CACNB2: variants seen among roughly 807,000 people sequenced by gnomAD.
CACNB2 encodes calcium voltage-gated channel auxiliary subunit beta 2.
CACNB2 carries 42 observed loss-of-function variants against 73.3 expected under a neutral mutation model. The observed-to-expected ratio is 0.57, with a 90% CI of 0.45 to 0.74. The LOEUF (loss-of-function observed/expected upper bound fraction) is 0.74, where lower values mean the gene tolerates loss of function less well. Among genes scored for constraint, CACNB2 ranks in the 30% least tolerant of loss-of-function variants. The probability of loss-of-function intolerance (pLI) is 0.00; values close to 1 mark genes in which losing one functional copy is unlikely to be tolerated. For synonymous variants in CACNB2, 348 were observed against 310.3 expected (o/e 1.12, Z -1.28); for missense variants, 940 against 853.0 (o/e 1.10, Z -1.27).
chr10:18,448,257 G>A (rs1003392365), intron 3 of CACNB2, among the ~76,000 whole-genome samples: 7 of 152,040 alleles, frequency 4.6e-5, no homozygotes, highest in African/African-American at 1.7e-4. Context: ...GCCAAGGTGG[G>A]CAGATCACCT....
intron 3 of CACNB2, among the ~76,000 whole-genome samples, chr10:18,488,391 C>T (rs545255433): frequency 8.1e-4 from 114 of 140,040 alleles, no homozygotes; most frequent in African/African-American, 2.7e-3. Flanking sequence ...AGGAGAATGA[C>T]GTGAACCTGG....
At chr10:18,196,293 C>CTT (rs374846564) in intron 2 of CACNB2, among the ~76,000 whole-genome samples, 88,923 of 136,734 alleles carry the variant, frequency 0.65, 31,124 homozygotes, top group Non-Finnish European at 0.79. Context: ...ACCAACAAAA[C>CTT]TTTTTTTTTT....
At chr10:18,479,249 G>A (rs4129877) in intron 3 of CACNB2, among the ~76,000 whole-genome samples, 92,540 of 151,766 alleles carry the variant, frequency 0.61, 28,382 homozygotes, top group South Asian at 0.78. Context: ...ATCTTTTTAT[G>A]TGTCTATCCT....
intron 2 of CACNB2, among the ~76,000 whole-genome samples, chr10:18,162,744 A>G (rs897817041): frequency 6.6e-6 from 1 of 152,222 alleles, no homozygotes; most frequent in African/African-American, 2.4e-5. Context: ...ACTTACTTAC[A>G]TAACATCAGC....
At chr10:18,372,541 G>A (rs1370913802) in intron 2 of CACNB2, among the ~76,000 whole-genome samples, 3 of 151,956 alleles carry the variant, frequency 2.0e-5, no homozygotes, top group African/African-American at 4.8e-5. Context: ...CAAGTAACTG[G>A]GATTACAGAT....
chr10:18,182,345 A>G (rs1779235), intron 2 of CACNB2, among the ~76,000 whole-genome samples: 49,252 of 151,426 alleles, frequency 0.33, 8,617 homozygotes, highest in African/African-American at 0.47. Context: ...TTTTTTTTGA[A>G]ATAAGGTAGA....
chr10:18,155,902 TA>T (rs2032013037), intron 2 of CACNB2, among the ~76,000 whole-genome samples: 2 of 86,124 alleles, frequency 2.3e-5, no homozygotes, highest in African/African-American at 1.2e-4. Flanking sequence ...ACATATTATA[TA>T]TATATATATA....
chr10:18,381,441 A>G (rs1049771421), intron 2 of CACNB2, among the ~76,000 whole-genome samples: 1 of 152,120 alleles, frequency 6.6e-6, no homozygotes, highest in Non-Finnish European at 1.5e-5. Context: ...CTGTAACCCC[A>G]AAACTTTGGG....
At chr10:18,182,203 C>T (rs770772999) in intron 2 of CACNB2, 4 of 151,982 alleles carry the variant, frequency 2.6e-5, no homozygotes, top group Non-Finnish European at 5.9e-5. Flanking sequence ...TCGCTCATGC[C>T]TGTAATAGCA....
chr10:18,317,252 T>TAAAAA (rs2040226276), intron 2 of CACNB2, among the ~76,000 whole-genome samples: 1 of 152,260 alleles, frequency 6.6e-6, no homozygotes, highest in East Asian at 1.9e-4. Context: ...TTAAATCTTT[T>TAAAAA]TTAAAAGTTT....
chr10:18,483,230 A>T (rs2048879692), intron 3 of CACNB2, among the ~76,000 whole-genome samples: 1 of 143,848 alleles, frequency 7.0e-6, no homozygotes, highest in African/African-American at 2.5e-5. Flanking sequence ...ATTTTCGTTT[A>T]AAAAAAAAAA....
intron 2 of CACNB2, among the ~76,000 whole-genome samples, chr10:18,309,922 A>T (rs2039892593): frequency 6.6e-6 from 1 of 152,232 alleles, no homozygotes; most frequent in South Asian, 2.1e-4. Context: ...ACTAATTTTA[A>T]AATTAACATT....
rs1309861275 is a variant in CACNB2 at position 18,212,767 on chromosome 10, T to C, written c.213+61792T>C. 5.3e-5 allele frequency among the ~76,000 whole-genome samples: 8 copies of C among 152,320 alleles called. No homozygotes were observed. In the East Asian group the frequency reaches 1.5e-3, roughly 29 times the overall value. On this transcript the variant is annotated intron_variant, in intron 2 of 13. Coordinates refer to ENST00000324631, the MANE Select transcript of CACNB2 (RefSeq NM_201596.3). ...AACAGCTATTTGTTAAGTTTATTTA[T>C]CAGAATTAAACATAAATCAGAATAA...
At chr10:18,396,859 G>T (rs902145698) in intron 2 of CACNB2, among the ~76,000 whole-genome samples, 2 of 152,096 alleles carry the variant, frequency 1.3e-5, no homozygotes, top group African/African-American at 4.8e-5. Flanking sequence ...ATGAGGAGGT[G>T]GTCTAAAATC....
At chr10:18,501,891 G>C (rs2050211013) in intron 5 of CACNB2, among the ~76,000 whole-genome samples, 1 of 152,166 alleles carries the variant, frequency 6.6e-6, no homozygotes, top group African/African-American at 2.4e-5. Flanking sequence ...ATTTAGTTCA[G>C]ACGGATTCCT....
At chr10:18,357,313 C>T (rs2041962893) in intron 2 of CACNB2, among the ~76,000 whole-genome samples, 1 of 152,108 alleles carries the variant, frequency 6.6e-6, no homozygotes, top group South Asian at 2.1e-4. Flanking sequence ...ATAGTTAATG[C>T]AAACAACCAA....
Position 18,274,682 on chromosome 10 carries a change from C to A in CACNB2, c.213+123707C>A, listed in dbSNP as rs148193717. 6.0e-3 allele frequency among the ~76,000 whole-genome samples: 911 copies of A among 152,106 alleles called. 3 individuals are homozygous for A. The highest frequency in any genetic ancestry group is 0.02 in the Middle Eastern group (6 of 294). On this transcript the variant is annotated intron_variant, in intron 2 of 13. Coordinates refer to ENST00000324631, the MANE Select transcript of CACNB2 (RefSeq NM_201596.3). The stretch of plus-strand genomic sequence containing the variant: ...CTTTAAAATGTATTATTTTAAATAA[C>A]CTTTGGTCAATCCTCCTCAAAGCAC...
At chr10:18,219,591 T>C (rs2035646866) in intron 2 of CACNB2, among the ~76,000 whole-genome samples, 1 of 152,202 alleles carries the variant, frequency 6.6e-6, no homozygotes, top group Non-Finnish European at 1.5e-5. Context: ...CATCTGGCTC[T>C]GTACATGACT....
At chr10:18,183,932 T>C (rs1757207) in intron 2 of CACNB2, among the ~76,000 whole-genome samples, 108,849 of 152,090 alleles carry the variant, frequency 0.72, 39,022 homozygotes, top group East Asian at 0.82. Context: ...TACTGAATTG[T>C]TCTAGAGCTC....
Sources: gnomAD v4.1 joint callset for allele counts (sites outside exome capture counted in the v4.1 genomes callset) on GRCh38, gnomAD v4.1.1 for gene constraint, MANE v1.5 for transcripts, NCBI Gene and HGNC (gene_info 2026-07-23, HGNC 2026-07-21) for gene names.